Variants in MTFR1 observed in about 807,000 individuals in gnomAD.
The protein encoded by MTFR1 is chondrocyte protein with a poly-proline region.
MTFR1 carries 28 observed loss-of-function variants against 38.8 expected under a neutral mutation model. The ratio of observed to expected loss-of-function variants is 0.72; its 90% CI spans 0.53 to 0.99. The LOEUF (loss-of-function observed/expected upper bound fraction) is 0.99, where lower values mean the gene tolerates loss of function less well. Ranked by LOEUF, MTFR1 falls within the 50% of genes least tolerant of loss-of-function variation. The pLI, the probability that MTFR1 is intolerant of heterozygous loss-of-function variation, is 0.00. For synonymous variants in MTFR1, 145 were observed against 137.0 expected, an observed-to-expected ratio of 1.06 and a Z score of -0.41; for missense variants, 358 against 395.5, an observed-to-expected ratio of 0.91 and a Z score of 0.81.
intron 3 of MTFR1, among the ~76,000 whole-genome samples, chr8:65,757,573 T>A (rs1229539793): frequency 1.3e-5 from 2 of 152,150 alleles, no homozygotes; most frequent in African/African-American, 4.8e-5. Flanking sequence ...AGCTAAGAGA[T>A]AATGTTGTCT....
At chr8:65,698,902 A>C (rs760829190) in intron 4 of MTFR1, among the ~76,000 whole-genome samples, 7 of 151,798 alleles carry the variant, frequency 4.6e-5, no homozygotes, top group Non-Finnish European at 8.8e-5. Flanking sequence ...CTAATTTTTG[A>C]ATTTTTAGTA....
At chr8:65,724,453 A>G (rs1806525024) in intron 3 of MTFR1, 1 of 686,604 alleles carries the variant, frequency 1.5e-6, no homozygotes, top group African/African-American at 1.8e-5. Context: ...ATATAAATAA[A>G]TAAGCCAGAA....
chr8:65,681,965 C>G (rs886946731), intron 2 of MTFR1: 2 of 154,322 alleles, frequency 1.3e-5, no homozygotes, highest in African/African-American at 4.8e-5. Flanking sequence ...AAGTAACATA[C>G]ATTTAATAAA....
At chr8:65,645,120 C>T (rs1056878017) in intron 1 of MTFR1, among the ~76,000 whole-genome samples, 2 of 152,186 alleles carry the variant, frequency 1.3e-5, no homozygotes, top group Admixed American at 1.3e-4. Flanking sequence ...TCTTTCGGAC[C>T]CCCGGTTCCC....
At position 65,704,924 on chromosome 8, in the gene MTFR1, C is replaced by G. The variant is rs1373263063; in HGVS notation, c.512C>G (p.Thr171Ser). The change falls in exon 5 of 8, where the codon ACT (threonine) becomes AGT (serine). Residue 171 changes from threonine (T) to serine (S), a missense_variant. Physicochemically the swap from Thr to Ser is moderately conservative, Grantham distance 58. Transcript: ENST00000262146. ...ACCCAGCAGGAGCAGCAAAATCTCACTGCAGGTCTGTAAGTCCTACATTTG... is the reference window on the plus strand; with the variant it reads ...ACCCAGCAGGAGCAGCAAAATCTCAGTGCAGGTCTGTAAGTCCTACATTTG... ...IVTQQEQQNL[T>S]AGDLDSTTFG... 3 of 1,581,236 alleles carry G rather than the reference C, an allele frequency of 1.9e-6. No individual in the cohort carries two copies. The highest frequency in any genetic ancestry group is 1.7e-6 in the Non-Finnish European group (2 of 1,160,378).
At chr8:65,761,465 T>C (rs560427670) in intron 3 of MTFR1, among the ~76,000 whole-genome samples, 10 of 152,346 alleles carry the variant, frequency 6.6e-5, no homozygotes, top group African/African-American at 1.9e-4. Context: ...AAAGCTCCAC[T>C]TCCATCAAGC....
the MTFR1 span, among the ~76,000 whole-genome samples, chr8:65,777,159 A>C: frequency 6.8e-6 from 1 of 147,514 alleles, no homozygotes; most frequent in Admixed American, 7.0e-5. Context: ...GGCTAACCGC[A>C]ACCTCTGCCT....
intron 1 of MTFR1, among the ~76,000 whole-genome samples, chr8:65,669,250 G>A (rs571910928): frequency 4.5e-4 from 68 of 152,294 alleles, no homozygotes; most frequent in South Asian, 1.0e-3. Context: ...GAGGAACTGC[G>A]TGGACCCTGT....
intron 2 of MTFR1, among the ~76,000 whole-genome samples, chr8:65,671,369 CAAAAAATTT>C (rs1804564653): frequency 2.0e-5 from 3 of 151,898 alleles, no homozygotes; most frequent in African/African-American, 7.3e-5. Context: ...CCTATCTCTA[CAAAAAATTT>C]AAAAAATTTA....
chr8:65,685,999 G>A (rs992040505), intron 3 of MTFR1, among the ~76,000 whole-genome samples: 1 of 152,218 alleles, frequency 6.6e-6, no homozygotes, highest in African/African-American at 2.4e-5. Context: ...CCAAGAGAAG[G>A]TTCCAGTCAG....
Position 65,661,819 on chromosome 8 carries a change from C to G in MTFR1, c.-80-8054C>G, listed in dbSNP as rs1188773317. ...TCTTTACTAAAAATATCAAAATTAG[C>G]CAGGCATGGTGGCATATGCCTGCAG... On this transcript the variant is annotated intron_variant, in intron 1 of 7. Coordinates refer to ENST00000262146, the MANE Select transcript of MTFR1 (RefSeq NM_014637.4). Among the ~76,000 whole-genome samples, 4 of 151,834 alleles carry G rather than the reference C, an allele frequency of 2.6e-5. No homozygotes were observed. The South Asian group carries it at 8.3e-4, about 32-fold the overall frequency.
intron 3 of MTFR1, chr8:65,719,514 A>G: frequency 6.6e-7 from 1 of 1,505,920 alleles, no homozygotes. Flanking sequence ...AATAGGAGAA[A>G]AAGTTATTAA....
the MTFR1 span, among the ~76,000 whole-genome samples, chr8:65,777,650 G>A: frequency 2.6e-5 from 4 of 152,230 alleles, no homozygotes; most frequent in East Asian, 7.7e-4. Context: ...CCTTTTCAGA[G>A]TTTGTGGATG....
At chr8:65,657,560 C>T (rs947248033) in intron 1 of MTFR1, among the ~76,000 whole-genome samples, 2 of 151,918 alleles carry the variant, frequency 1.3e-5, no homozygotes, top group African/African-American at 4.8e-5. Context: ...AAAAAATAGC[C>T]AGGCATGGTA....
intron 3 of MTFR1, among the ~76,000 whole-genome samples, chr8:65,735,189 C>G (rs1183104464): frequency 6.6e-6 from 1 of 152,186 alleles, no homozygotes; most frequent in Non-Finnish European, 1.5e-5. Flanking sequence ...ATCCAGTGGT[C>G]TCAAAGGAAA....
chr8:65,708,098 G>C, intron 7 of MTFR1, 87 bp downstream of exon 7: 1 of 1,603,246 alleles, frequency 6.2e-7, no homozygotes, highest in Non-Finnish European at 8.5e-7. Context: ...ATTCACCTGT[G>C]TCATCTGTAA....
At chr8:65,747,731 C>G (rs1807746038) in intron 3 of MTFR1, 1 of 1,610,244 alleles carries the variant, frequency 6.2e-7, no homozygotes. Context: ...GCGTGAAGAT[C>G]TAAGATATCG....
chr8:65,763,292 C>CGGT, intron 3 of MTFR1, among the ~76,000 whole-genome samples: 1 of 152,086 alleles, frequency 6.6e-6, no homozygotes, highest in African/African-American at 2.4e-5. Context: ...AGGTTACATA[C>CGGT]GGTGGCTCAC....
At chr8:65,744,114 T>C (rs1807563971) in intron 3 of MTFR1, among the ~76,000 whole-genome samples, 1 of 152,172 alleles carries the variant, frequency 6.6e-6, no homozygotes, top group African/African-American at 2.4e-5. Flanking sequence ...ATTACAGGCA[T>C]GAGCCACCAC....
Sources: gnomAD v4.1 joint callset for allele counts (sites outside exome capture counted in the v4.1 genomes callset) on GRCh38, gnomAD v4.1.1 for gene constraint, MANE v1.5 for transcripts, NCBI Gene and HGNC (gene_info 2026-07-23, HGNC 2026-07-21) for gene names.